The following SENP5 variants were observed in gnomAD, a reference collection of about 807,000 sequenced individuals.
The protein encoded by SENP5 is sentrin-specific protease 5.
In SENP5, 21 loss-of-function variants were observed where a neutral mutation model predicts 74.2. The observed-to-expected ratio is 0.28, with a 90% CI of 0.20 to 0.41. SENP5 has a LOEUF of 0.41. Among genes scored for constraint, SENP5 ranks in the 10% least tolerant of loss-of-function variants. The pLI, the probability that SENP5 is intolerant of heterozygous loss-of-function variation, is 1.00. For synonymous variants in SENP5, 311 were observed against 312.7 expected (o/e 0.99, Z 0.06); for missense variants, 717 against 889.1 (o/e 0.81, Z 2.46).
At chr3:196,921,122 G>T (rs1356664168) in intron 6 of SENP5, among the ~76,000 whole-genome samples, 1 of 152,222 alleles carries the variant, frequency 6.6e-6, no homozygotes, top group East Asian at 1.9e-4. Context: ...TTCAGATTTT[G>T]TAATATTTGC....
At chr3:196,904,423 C>T (rs143088916) in intron 6 of SENP5, among the ~76,000 whole-genome samples, 2 of 152,242 alleles carry the variant, frequency 1.3e-5, no homozygotes, top group East Asian at 3.9e-4. Flanking sequence ...GGGAAGGAGG[C>T]AGGGATCAAG....
intron 6 of SENP5, among the ~76,000 whole-genome samples, chr3:196,910,736 A>G (rs1313136140): frequency 6.6e-6 from 1 of 152,272 alleles, no homozygotes; most frequent in East Asian, 1.9e-4. Flanking sequence ...TAAAATTCAT[A>G]TGGAAACAAA....
chr3:196,894,123 T>G (rs1196663051), intron 2 of SENP5, among the ~76,000 whole-genome samples: 18 of 147,590 alleles, frequency 1.2e-4, no homozygotes, highest in Non-Finnish European at 2.6e-4. Context: ...GTGGTTTTTT[T>G]TTTTTTTTTT....
chr3:196,913,580 A>C (rs1407481045), intron 6 of SENP5, among the ~76,000 whole-genome samples: 8 of 151,060 alleles, frequency 5.3e-5, no homozygotes, highest in Non-Finnish European at 8.9e-5. Flanking sequence ...AAAAAAAAAA[A>C]CAAAAAAAAC....
At chr3:196,912,842 C>A (rs1577835305) in intron 6 of SENP5, 1 of 152,056 alleles carries the variant, frequency 6.6e-6, no homozygotes, top group South Asian at 2.1e-4. Flanking sequence ...CCACTGTACC[C>A]CAGCCTGGGT....
At chr3:196,900,200 C>T in intron 4 of SENP5, 138 bp downstream of exon 4, 1 of 1,248,672 alleles carries the variant, frequency 8.0e-7, no homozygotes, top group Non-Finnish European at 1.1e-6. Context: ...CCCCAGGATC[C>T]AAACGGTTTG....
intron 6 of SENP5, among the ~76,000 whole-genome samples, chr3:196,920,580 A>C (rs1456626170): frequency 1.3e-5 from 2 of 152,150 alleles, no homozygotes; most frequent in Non-Finnish European, 2.9e-5. Context: ...GTAATGAGAG[A>C]GGACATCTTT....
chr3:196,871,043 G>A lies in SENP5; in HGVS notation c.-32+2970G>A, dbSNP rs552915716. Among the ~76,000 whole-genome samples, 354 of 151,888 alleles carry A rather than the reference G, an allele frequency of 2.3e-3. 2 individuals carry two copies. Among genetic ancestry groups the A allele is most frequent in the African/African-American group, 7.9e-3 (326 of 41,450 alleles). ...AAATTAGCTGGGCATGGTGGCGGGC[G>A]CCTATAATCCCAGCTACTCGGGAGG... On this transcript the variant is annotated intron_variant, in intron 1 of 9. Transcript: ENST00000323460.
At chr3:196,907,552 T>C (rs1714954762) in intron 6 of SENP5, among the ~76,000 whole-genome samples, 1 of 151,868 alleles carries the variant, frequency 6.6e-6, no homozygotes, top group African/African-American at 2.4e-5. Flanking sequence ...CATGGAAAAG[T>C]ATCTGAATGA....
intron 1 of SENP5, among the ~76,000 whole-genome samples, chr3:196,879,543 G>C (rs1412749566): frequency 3.3e-5 from 5 of 152,116 alleles, no homozygotes; most frequent in African/African-American, 1.2e-4. Flanking sequence ...CTGGATTGGT[G>C]GCCCTCCAGG....
At chr3:196,929,304 G>C (rs1318812360) in intron 8 of SENP5, 2 of 256,906 alleles carry the variant, frequency 7.8e-6, no homozygotes, top group Non-Finnish European at 1.5e-5. Context: ...TGTTCTCCCA[G>C]GCACAGTTCC....
At chr3:196,880,638 C>CTTTTTTT (rs56188124) in intron 1 of SENP5, among the ~76,000 whole-genome samples, 8 of 101,930 alleles carry the variant, frequency 7.8e-5, no homozygotes, top group Admixed American at 1.2e-4. Flanking sequence ...GCCAGTTATT[C>CTTTTTTT]TTTTTTTTTT....
At chr3:196,922,194 A>G (rs1356859745) in intron 6 of SENP5, among the ~76,000 whole-genome samples, 1 of 152,188 alleles carries the variant, frequency 6.6e-6, no homozygotes. Flanking sequence ...CATTTTACAC[A>G]TATTCTTTTA....
intron 1 of SENP5, among the ~76,000 whole-genome samples, chr3:196,883,292 A>G (rs1175590144): frequency 6.6e-6 from 1 of 152,100 alleles, no homozygotes; most frequent in African/African-American, 2.4e-5. Flanking sequence ...TTGTTGTGAC[A>G]TCCCCAAATA....
At chr3:196,879,516 C>T (rs977062645) in intron 1 of SENP5, among the ~76,000 whole-genome samples, 2 of 152,212 alleles carry the variant, frequency 1.3e-5, no homozygotes, top group African/African-American at 2.4e-5. Flanking sequence ...TTTTGACTGA[C>T]TTTTGACCGC....
intron 6 of SENP5, among the ~76,000 whole-genome samples, chr3:196,918,384 G>T (rs1448889851): frequency 8.4e-6 from 1 of 118,544 alleles, no homozygotes; most frequent in Non-Finnish European, 1.8e-5. Flanking sequence ...TTCTGTTTTC[G>T]TTTTCTCTTG....
chr3:196,923,279 G>T (rs550145057), intron 6 of SENP5, 135 bp from the exon 7 acceptor site: 2 of 806,920 alleles, frequency 2.5e-6, no homozygotes, highest in East Asian at 5.1e-5. Context: ...TAAGACCTGG[G>T]TTCAAATTCT....
chr3:196,890,488 G>C (rs893753867), intron 2 of SENP5, among the ~76,000 whole-genome samples: 1 of 152,210 alleles, frequency 6.6e-6, no homozygotes, highest in Non-Finnish European at 1.5e-5. Flanking sequence ...AAATATGAGT[G>C]TAAGAAGAAA....
chr3:196,869,617 A>C (rs1309137981), intron 1 of SENP5, among the ~76,000 whole-genome samples: 1 of 151,152 alleles, frequency 6.6e-6, no homozygotes, highest in African/African-American at 2.4e-5. Flanking sequence ...AAAATTAGCC[A>C]GGCGTGGTGG....
Sources: allele counts gnomAD v4.1 joint callset (sites outside exome capture counted in the v4.1 genomes callset), GRCh38; gene constraint gnomAD v4.1.1; transcripts MANE v1.5; gene names NCBI Gene and HGNC (gene_info 2026-07-23, HGNC 2026-07-21).